The following COL11A1 variants were observed in gnomAD, a reference collection of about 807,000 sequenced individuals.
The protein encoded by COL11A1 is collagen type XI alpha 1 chain.
COL11A1 carries 74 observed loss-of-function variants against 265.2 expected under a neutral mutation model. That is an observed-to-expected ratio of 0.28 (90% confidence interval 0.23 to 0.34). COL11A1 has a LOEUF of 0.34. Among genes scored for constraint, COL11A1 ranks in the 10% least tolerant of loss-of-function variants. The pLI is 1.00. For missense variants in COL11A1, 2,165 were observed against 2,263.6 expected (o/e 0.96, Z 0.88); for synonymous variants, 816 against 727.6 (o/e 1.12, Z -1.96).
intron 55 of COL11A1, 42 bp downstream of exon 55, chr1:102,898,899 T>C (rs762016377): frequency 2.0e-6 from 2 of 1,004,778 alleles, no homozygotes; most frequent in South Asian, 2.7e-5. Context: ...CTTGTATATA[T>C]AATATATAAT....
intron 2 of COL11A1, among the ~76,000 whole-genome samples, chr1:103,080,915 G>T (rs12131769): frequency 0.15 from 23,085 of 151,692 alleles, 1,884 homozygotes; most frequent in Non-Finnish European, 0.16. Context: ...ATGACATCAG[G>T]ATGTTGAAGG....
rs748391176 is a variant in COL11A1, at chr1:103,022,888, C to T, written c.1099G>A (p.Gly367Ser). 6 of 1,613,724 alleles carry T rather than the reference C, an allele frequency of 3.7e-6. No homozygotes were observed. The highest frequency in any genetic ancestry group is 1.6e-4 in the Middle Eastern group (1 of 6,082). ...TCTACCAGAAGATCAGAATCCCTGC[C>T]GTCTATTTCTTTGTTTTCATATAGT... ...DTLYENKEIDGRDSDLLVDGD... is the reference protein window; with the variant it reads ...DTLYENKEIDSRDSDLLVDGD... Residue 367 changes from glycine to serine, a missense_variant, in exon 8 of 67, where the codon GGC becomes AGC. Physicochemically the swap from Gly to Ser is moderately conservative, Grantham distance 56. Transcript: ENST00000370096.
intron 4 of COL11A1, among the ~76,000 whole-genome samples, chr1:103,043,292 A>T (rs1668983171): frequency 6.6e-6 from 1 of 151,164 alleles, no homozygotes; most frequent in Non-Finnish European, 1.5e-5. Context: ...ATGACCAAAC[A>T]GTAAGTTTAA....
chr1:102,951,542 T>C (rs1407688357), intron 41 of COL11A1, among the ~76,000 whole-genome samples: 1 of 151,740 alleles, frequency 6.6e-6, no homozygotes, highest in Non-Finnish European at 1.5e-5. Context: ...CCAAATACAA[T>C]AAATTAGCTG....
chr1:103,080,311 A>G (rs1000703548), intron 2 of COL11A1, among the ~76,000 whole-genome samples: 3 of 151,956 alleles, frequency 2.0e-5, no homozygotes, highest in Non-Finnish European at 4.4e-5. Context: ...CAGCCCTACC[A>G]CATCCAAATA....
intron 65 of COL11A1, among the ~76,000 whole-genome samples, chr1:102,881,012 G>A (rs1317505001): frequency 1.3e-5 from 2 of 151,916 alleles, no homozygotes; most frequent in Admixed American, 1.3e-4. Context: ...GCATGAGTTT[G>A]TATAGAAATA....
intron 4 of COL11A1, among the ~76,000 whole-genome samples, chr1:103,068,236 C>T (rs1302775590): frequency 1.3e-5 from 2 of 151,506 alleles, no homozygotes; most frequent in African/African-American, 4.8e-5. Flanking sequence ...AATAAGATAA[C>T]ATACTGCATG....
intron 43 of COL11A1, among the ~76,000 whole-genome samples, chr1:102,939,549 A>T (rs530315480): frequency 6.7e-6 from 1 of 150,364 alleles, no homozygotes; most frequent in African/African-American, 2.5e-5. Context: ...AAATGTTTTT[A>T]AAAAGTTAGC....
At chr1:102,894,154 C>A (rs12731622) in intron 57 of COL11A1, among the ~76,000 whole-genome samples, 2 of 152,058 alleles carry the variant, frequency 1.3e-5, no homozygotes, top group East Asian at 1.9e-4. Flanking sequence ...AAATCAAATA[C>A]ATTTTAGTTT....
intron 5 of COL11A1, among the ~76,000 whole-genome samples, chr1:103,028,772 T>C (rs1667757534): frequency 6.6e-6 from 1 of 152,166 alleles, no homozygotes; most frequent in African/African-American, 2.4e-5. Flanking sequence ...AAAGATAATA[T>C]ATTTTGAAAA....
At chr1:102,911,777 C>T (rs545886415) in intron 54 of COL11A1, among the ~76,000 whole-genome samples, 1 of 152,102 alleles carries the variant, frequency 6.6e-6, no homozygotes, top group Non-Finnish European at 1.5e-5. Context: ...TTCATTGATG[C>T]ATTCATGTTT....
At chr1:103,011,323 G>A (rs2622840) in intron 14 of COL11A1, among the ~76,000 whole-genome samples, 10,402 of 151,946 alleles carry the variant, frequency 0.068, 431 homozygotes, top group Middle Eastern at 0.17. Flanking sequence ...ATTTTGGAAA[G>A]GCAAAGCATG....
In COL11A1 at chr1:102,914,801, C is replaced by G. The variant is rs1235259972; in HGVS notation, c.3827G>C (p.Gly1276Ala). The G allele has an allele frequency of 1.3e-6, 2 of 1,598,308 alleles. No individual in the cohort carries two copies. The highest frequency in any genetic ancestry group is 1.4e-5 in the African/African-American group (1 of 72,646). The change falls in exon 51 of 67, where the codon GGA (glycine) becomes GCA (alanine). Residue 1276 changes from glycine to alanine, a missense_variant. Gly to Ala is a moderately conservative substitution (Grantham distance 60, BLOSUM62 0). Coordinates refer to ENST00000370096, the MANE Select transcript of COL11A1 (RefSeq NM_001854.4). The part of the protein sequence containing the change: ...PGEAGVGGPK[G>A]ERGEKGEAGP... Reference sequence around the variant, plus strand: ...AGCTTCCCCTTTCTCTCCTCTTTCTCCTTTGGGACCCTAAACAATGTTAAA... The same window carrying G: ...AGCTTCCCCTTTCTCTCCTCTTTCTGCTTTGGGACCCTAAACAATGTTAAA...
chr1:103,036,775 T>G (rs964262424), intron 4 of COL11A1, among the ~76,000 whole-genome samples: 1 of 151,972 alleles, frequency 6.6e-6, no homozygotes, highest in Non-Finnish European at 1.5e-5. Flanking sequence ...AGTTATTGAG[T>G]AAAACTGGCA....
chr1:102,927,498 C>T lies in COL11A1; in HGVS notation c.3601-4109G>A, dbSNP rs565724401. On this transcript the variant is annotated intron_variant, in intron 46 of 66. Coordinates refer to ENST00000370096, the MANE Select transcript of COL11A1 (RefSeq NM_001854.4). ...TTGGGAGGCTGAGGTGGGCGGATCA[C>T]GAGGTCAGGAGATCGAGACCATCCT... Among the ~76,000 whole-genome samples the T allele has an allele frequency of 5.9e-5, 9 of 152,066 alleles. No homozygotes were observed. In the South Asian group the frequency reaches 8.3e-4, roughly 14 times the overall value.
chr1:103,093,119 G>A (rs1673459708), intron 1 of COL11A1, among the ~76,000 whole-genome samples: 1 of 152,110 alleles, frequency 6.6e-6, no homozygotes, highest in Admixed American at 6.6e-5. Context: ...GCAGCTTTAT[G>A]TGGGTGAGGG....
Position 102,984,304 on chromosome 1 carries a change from G to T in COL11A1, c.2503-113C>A, listed in dbSNP as rs112985415. 2,971 of 656,228 alleles carry T rather than the reference G, an allele frequency of 4.5e-3. 76 individuals carry two copies. In the African/African-American group the frequency reaches 0.049, roughly 11 times the overall value. The allele number at this position is 656,228 out of a possible 1,614,324, so 40.7% of individuals were successfully genotyped here. A position where few individuals can be genotyped will look rare whatever the true frequency, so the allele number is the denominator to read the frequency against. On this transcript the variant is annotated intron_variant, in intron 30 of 66. Coordinates refer to ENST00000370096, the MANE Select transcript of COL11A1 (RefSeq NM_001854.4). ...TCACATATTGTACACTCAAAAGGAA[G>T]ATTTGCAGATTTTTGTCATTATTTA... is the stretch of plus-strand genomic sequence containing the variant.
At chr1:102,920,640 CTT>C (rs1257814111) in intron 48 of COL11A1, among the ~76,000 whole-genome samples, 1 of 152,154 alleles carries the variant, frequency 6.6e-6, no homozygotes, top group Non-Finnish European at 1.5e-5. Context: ...ATTTCAATCT[CTT>C]TGCCAATAGA....
chr1:103,058,142 T>C (rs558609773), intron 4 of COL11A1, among the ~76,000 whole-genome samples: 1 of 152,350 alleles, frequency 6.6e-6, no homozygotes, highest in Admixed American at 6.5e-5. Context: ...ACAGCTTCTA[T>C]ATCAGCACTT....
Sources: allele counts gnomAD v4.1 joint callset (sites outside exome capture counted in the v4.1 genomes callset), GRCh38; gene constraint gnomAD v4.1.1; transcripts MANE v1.5; gene names NCBI Gene and HGNC (gene_info 2026-07-23, HGNC 2026-07-21).